OLFM3: variants seen among roughly 807,000 people sequenced by gnomAD.
The protein encoded by OLFM3 is olfactomedin 3.
OLFM3 carries 20 observed loss-of-function variants against 48.6 expected under a neutral mutation model. That is an observed-to-expected ratio of 0.41 (90% CI 0.29 to 0.60). The LOEUF is 0.60. OLFM3 is among the 20% of genes least tolerant of loss of function. The pLI, the probability that OLFM3 is intolerant of heterozygous loss-of-function variation, is 0.28. For missense variants in OLFM3, 437 were observed against 544.3 expected (o/e 0.80, Z 1.96); for synonymous variants, 222 against 198.1 (o/e 1.12, Z -1.01).
intron 1 of OLFM3, among the ~76,000 whole-genome samples, chr1:101,912,516 C>T (rs1035598181): frequency 6.6e-6 from 1 of 152,112 alleles, no homozygotes; most frequent in Admixed American, 6.5e-5. Flanking sequence ...GAGCAAAATT[C>T]CAAAAGTCAC....
At chr1:101,945,941 A>G (rs1171589216) in intron 1 of OLFM3, among the ~76,000 whole-genome samples, 1 of 152,188 alleles carries the variant, frequency 6.6e-6, no homozygotes, top group Non-Finnish European at 1.5e-5. Flanking sequence ...TCCTGTTGAT[A>G]ATGTTGAGGC....
chr1:101,941,256 G>A (rs1286993617), intron 1 of OLFM3, among the ~76,000 whole-genome samples: 8 of 152,096 alleles, frequency 5.3e-5, no homozygotes, highest in Non-Finnish European at 1.0e-4. Context: ...GTCCAGGCAA[G>A]GCCCAAATTG....
intron 1 of OLFM3, chr1:101,847,117 G>GA: frequency 6.9e-6 from 9 of 1,305,832 alleles, no homozygotes; most frequent in Non-Finnish European, 7.9e-6. Context: ...GAAAGCTTCG[G>GA]AACCTCCTTC....
intron 4 of OLFM3, among the ~76,000 whole-genome samples, chr1:101,822,038 T>C (rs1654628788): frequency 6.6e-6 from 1 of 152,070 alleles, no homozygotes; most frequent in African/African-American, 2.4e-5. Context: ...ATAGAAATAT[T>C]ATGCAAAGTT....
At chr1:101,807,553 T>C (rs1653834276) in intron 4 of OLFM3, among the ~76,000 whole-genome samples, 1 of 151,838 alleles carries the variant, frequency 6.6e-6, no homozygotes, top group African/African-American at 2.4e-5. Flanking sequence ...CAGTTTTCTC[T>C]ATATGTGCTT....
intron 1 of OLFM3, among the ~76,000 whole-genome samples, chr1:101,916,401 C>CTT (rs57463919): frequency 0.41 from 61,279 of 150,268 alleles, 12,449 homozygotes; most frequent in East Asian, 0.59. Flanking sequence ...AATGTCTCTC[C>CTT]TTTTTTTTTA....
At chr1:101,840,225 G>A (rs770697544) in intron 1 of OLFM3, among the ~76,000 whole-genome samples, 36 of 152,134 alleles carry the variant, frequency 2.4e-4, no homozygotes, top group Non-Finnish European at 2.8e-4. Context: ...AACAGGAATA[G>A]CAATCATTAA....
chr1:101,855,278 G>A (rs1557703989), intron 1 of OLFM3, among the ~76,000 whole-genome samples: 1 of 152,020 alleles, frequency 6.6e-6, no homozygotes, highest in Non-Finnish European at 1.5e-5. Flanking sequence ...ACCCGATGAG[G>A]TAGTATTGCT....
intron 1 of OLFM3, among the ~76,000 whole-genome samples, chr1:101,879,418 G>T (rs574840626): frequency 1.3e-5 from 2 of 151,668 alleles, no homozygotes; most frequent in Non-Finnish European, 2.9e-5. Flanking sequence ...CAGCTGCTTT[G>T]CTATATCTTA....
intron 1 of OLFM3, among the ~76,000 whole-genome samples, chr1:101,845,394 A>G (rs1655945712): frequency 1.3e-5 from 2 of 152,194 alleles, no homozygotes; most frequent in Admixed American, 1.3e-4. Context: ...ACAATAAAAA[A>G]AAACCAAGCC....
chr1:101,964,611 A>C, intron 1 of OLFM3, among the ~76,000 whole-genome samples: 1 of 151,588 alleles, frequency 6.6e-6, no homozygotes. Flanking sequence ...TTTTTAGGGA[A>C]AAAAAAGAAA....
At position 101,825,092 on chromosome 1, in the gene OLFM3, A is replaced by T; in HGVS notation, c.526T>A (p.Tyr176Asn). 6.2e-7 allele frequency: 1 copy of T among 1,614,012 alleles called. No homozygotes were observed. The highest frequency in any genetic ancestry group is 8.5e-7 in the Non-Finnish European group (1 of 1,179,944). The part of the protein sequence containing the change: ...GIQEEIGAYD[Y>N]EELHQRVLSL... ...AGCACTCTTTGGTGTAGTTCCTCGTAGTCATAGGCACCAATTTCCTCCTGA... is the reference window on the plus strand; with the variant it reads ...AGCACTCTTTGGTGTAGTTCCTCGTTGTCATAGGCACCAATTTCCTCCTGA... Residue 176 changes from tyrosine to asparagine, a missense_variant, in exon 4 of 6, where the codon TAC (tyrosine) becomes AAC (asparagine). Tyr to Asn is a moderately radical substitution (Grantham distance 143). Coordinates refer to ENST00000370103, the MANE Select transcript of OLFM3 (RefSeq NM_058170.4).
intron 1 of OLFM3, among the ~76,000 whole-genome samples, chr1:101,896,006 AAAG>A (rs1215771607): frequency 2.5e-4 from 37 of 146,570 alleles, no homozygotes; most frequent in Non-Finnish European, 5.1e-4. Context: ...AATAATAATA[AAAG>A]TATGCATAGT....
Position 101,825,046 on chromosome 1 carries a change from C to T in OLFM3, c.572G>A (p.Arg191His), listed in dbSNP as rs776719691. 12 of 1,613,846 alleles carry T rather than the reference C, an allele frequency of 7.4e-6. No homozygotes were observed. Among genetic ancestry groups the T allele is most frequent in the Admixed American group, 5.0e-5 (3 of 59,984 alleles). ...QRVLSLETRL[R>H]DCMKKLTCGK... ...CTCACTTAGCTTTTTCATGCAGTCACGAAGTCTTGTTTCCAAGCTCAGCAC... is the reference window on the plus strand; with the variant it reads ...CTCACTTAGCTTTTTCATGCAGTCATGAAGTCTTGTTTCCAAGCTCAGCAC... Residue 191 changes from arginine to histidine, a missense_variant, in exon 4 of 6, where the codon CGT (arginine) becomes CAT (histidine). Around this residue, in one of 3 missense-constraint regions of OLFM3, gnomAD observed 314 missense variants for 365.5 expected, o/e 0.86. Transcript: ENST00000370103.
intron 1 of OLFM3, among the ~76,000 whole-genome samples, chr1:101,861,423 G>A (rs1280258243): frequency 6.6e-6 from 1 of 152,198 alleles, no homozygotes. Context: ...ATCACTGGCT[G>A]CTGCCTAGAC....
chr1:101,963,445 CT>C (rs1660521928), intron 1 of OLFM3, among the ~76,000 whole-genome samples: 1 of 152,084 alleles, frequency 6.6e-6, no homozygotes, highest in African/African-American at 2.4e-5. Flanking sequence ...GCAAATGGTT[CT>C]TTTGAAGCCC....
chr1:101,956,832 C>A (rs941758031), intron 1 of OLFM3, among the ~76,000 whole-genome samples: 2 of 151,868 alleles, frequency 1.3e-5, no homozygotes, highest in Non-Finnish European at 2.9e-5. Context: ...GAGATGGTAT[C>A]TTTTGCATCT....
intron 1 of OLFM3, among the ~76,000 whole-genome samples, chr1:101,977,015 C>T (rs540936640): frequency 2.6e-5 from 4 of 152,144 alleles, no homozygotes; most frequent in African/African-American, 9.6e-5. Context: ...ATAATTTGCC[C>T]TAAACAATGC....
chr1:101,958,553 G>A (rs149473807), intron 1 of OLFM3, among the ~76,000 whole-genome samples: 230 of 152,124 alleles, frequency 1.5e-3, no homozygotes, highest in African/African-American at 4.5e-3. Context: ...TAGCTGCATC[G>A]TAAGTTTCTT....
Sources: gnomAD v4.1 joint callset for allele counts (sites outside exome capture counted in the v4.1 genomes callset) on GRCh38, gnomAD v4.1.1 for gene constraint, gnomAD v4.1.1 regional missense constraint, MANE v1.5 for transcripts, NCBI Gene and HGNC (gene_info 2026-07-23, HGNC 2026-07-21) for gene names.